Variants in STIM1 observed in about 807,000 individuals in gnomAD.
STIM1 encodes stromal interaction molecule 1.
STIM1 carries 25 observed loss-of-function variants against 74.7 expected under a neutral mutation model. The ratio of observed to expected loss-of-function variants is 0.33; its 90% confidence interval spans 0.24 to 0.47. The LOEUF (loss-of-function observed/expected upper bound fraction) is 0.47, where lower values mean the gene tolerates loss of function less well. Among genes scored for constraint, STIM1 ranks in the 20% least tolerant of loss-of-function variants. The pLI is 1.00. For synonymous variants in STIM1, 328 were observed against 348.8 expected (o/e 0.94, Z 0.66); for missense variants, 728 against 920.8 (o/e 0.79, Z 2.71).
At chr11:3,961,774 C>T (rs919100731) in intron 1 of STIM1, among the ~76,000 whole-genome samples, 2 of 152,066 alleles carry the variant, frequency 1.3e-5, no homozygotes, top group South Asian at 2.1e-4. Flanking sequence ...TCCTAAGATG[C>T]TGGGATTACA....
At chr11:4,010,226 A>G (rs1029045813) in intron 2 of STIM1, among the ~76,000 whole-genome samples, 13 of 149,008 alleles carry the variant, frequency 8.7e-5, no homozygotes, top group Non-Finnish European at 1.8e-4. Flanking sequence ...GCTGTAGTGC[A>G]GTGGCATGAT....
At chr11:3,859,831 A>T (rs1226624621) in intron 1 of STIM1, among the ~76,000 whole-genome samples, 1 of 152,176 alleles carries the variant, frequency 6.6e-6, no homozygotes, top group East Asian at 1.9e-4. Flanking sequence ...GGGCCTGGGG[A>T]GAGGGACACA....
At chr11:3,958,783 A>G (rs2093249717) in intron 1 of STIM1, among the ~76,000 whole-genome samples, 1 of 152,048 alleles carries the variant, frequency 6.6e-6, no homozygotes. Context: ...CAGCCTGGCC[A>G]ACATGGTGAA....
chr11:3,883,473 C>T (rs1224771096), intron 1 of STIM1, among the ~76,000 whole-genome samples: 1 of 152,202 alleles, frequency 6.6e-6, no homozygotes. Flanking sequence ...CCTGCCTCAG[C>T]CTCCCGAGTA....
At chr11:4,037,456 C>T (rs1170937040) in intron 3 of STIM1, among the ~76,000 whole-genome samples, 1 of 152,116 alleles carries the variant, frequency 6.6e-6, no homozygotes, top group East Asian at 1.9e-4. Flanking sequence ...TATTTTGAAG[C>T]TCTGTTACTA....
chr11:4,091,077 C>T (rs1207741408), intron 12 of STIM1, among the ~76,000 whole-genome samples: 1 of 152,036 alleles, frequency 6.6e-6, no homozygotes, highest in African/African-American at 2.4e-5. Flanking sequence ...TTATCCTATA[C>T]TTATGGCTGC....
intron 2 of STIM1, among the ~76,000 whole-genome samples, chr11:3,987,974 A>G (rs905189777): frequency 6.6e-6 from 1 of 152,156 alleles, no homozygotes; most frequent in Non-Finnish European, 1.5e-5. Flanking sequence ...TTTGTCCCTA[A>G]GCCTCTTCCC....
chr11:3,941,922 C>T (rs998472121), intron 1 of STIM1, among the ~76,000 whole-genome samples: 2 of 152,130 alleles, frequency 1.3e-5, no homozygotes, highest in African/African-American at 4.8e-5. Context: ...TGGAGTCAAG[C>T]AGCCCTCCTG....
chr11:3,917,010 G>A (rs1160870623), intron 1 of STIM1, among the ~76,000 whole-genome samples: 2 of 152,188 alleles, frequency 1.3e-5, no homozygotes, highest in African/African-American at 2.4e-5. Flanking sequence ...CCTCCTCCTC[G>A]GATCTGATCC....
At chr11:3,954,196 G>GT (rs1402317736) in intron 1 of STIM1, among the ~76,000 whole-genome samples, 1 of 151,948 alleles carries the variant, frequency 6.6e-6, no homozygotes, top group Admixed American at 6.6e-5. Context: ...TTTTTCAGTG[G>GT]TAACTCCTGC....
At chr11:3,883,662 A>AT (rs2091602567) in intron 1 of STIM1, among the ~76,000 whole-genome samples, 1 of 152,178 alleles carries the variant, frequency 6.6e-6, no homozygotes, top group African/African-American at 2.4e-5. Flanking sequence ...CAATGGGACA[A>AT]TTTTTTATTG....
rs183296944 is a variant in STIM1, at chr11:3,914,980, C to T, written c.140-52572C>T. ...TCCTAGTGGGTGTGACATGTTATCT[C>T]GTTGTGGTTTGATTTGTGTTTCCCT... On this transcript the variant is annotated intron_variant, in intron 1 of 12. Coordinates refer to ENST00000526596, the MANE Select transcript of STIM1 (RefSeq NM_001382567.1). Among the ~76,000 whole-genome samples the T allele has an allele frequency of 3.2e-4, 48 of 151,614 alleles. 1 individual carries two copies. The South Asian group carries it at 4.8e-3, about 15-fold the overall frequency.
At chr11:4,052,586 T>C (rs2094252179) in intron 3 of STIM1, among the ~76,000 whole-genome samples, 1 of 152,166 alleles carries the variant, frequency 6.6e-6, no homozygotes, top group South Asian at 2.1e-4. Flanking sequence ...CAAAAATTAA[T>C]TCAAGATGGA....
chr11:4,086,708 C>A (rs1419921812), intron 12 of STIM1, 165 bp downstream of exon 12: 2 of 1,538,834 alleles, frequency 1.3e-6, no homozygotes, highest in East Asian at 4.9e-5. Context: ...ACCATCACCA[C>A]TACCACCACC....
chr11:4,001,078 G>A (rs1359792134), intron 2 of STIM1, among the ~76,000 whole-genome samples: 13 of 152,158 alleles, frequency 8.5e-5, no homozygotes, highest in Admixed American at 2.0e-4. Flanking sequence ...AAGAAATGTG[G>A]GACTATATGA....
intron 1 of STIM1, among the ~76,000 whole-genome samples, chr11:3,893,513 T>C (rs2091959300): frequency 6.6e-6 from 1 of 152,202 alleles, no homozygotes; most frequent in Non-Finnish European, 1.5e-5. Context: ...TGGACACAAG[T>C]ACACAGCCAA....
intron 3 of STIM1, among the ~76,000 whole-genome samples, chr11:4,054,715 A>G (rs1223606372): frequency 6.6e-6 from 1 of 152,138 alleles, no homozygotes; most frequent in Admixed American, 6.5e-5. Context: ...TCATGCCAAA[A>G]AGGTTGGGGA....
chr11:4,005,810 T>C (rs2959081), intron 2 of STIM1, among the ~76,000 whole-genome samples: 59,731 of 151,930 alleles, frequency 0.39, 12,995 homozygotes, highest in Non-Finnish European at 0.48. Flanking sequence ...CAAAGATAAG[T>C]GAGAAATGAC....
intron 2 of STIM1, among the ~76,000 whole-genome samples, chr11:4,012,024 A>T (rs1191806801): frequency 6.6e-6 from 1 of 152,184 alleles, no homozygotes; most frequent in African/African-American, 2.4e-5. Flanking sequence ...GTCAAATATT[A>T]GATGGTTGTA....
Sources: gnomAD v4.1 joint callset for allele counts (sites outside exome capture counted in the v4.1 genomes callset) on GRCh38, gnomAD v4.1.1 for gene constraint, MANE v1.5 for transcripts, NCBI Gene and HGNC (gene_info 2026-07-23, HGNC 2026-07-21) for gene names.